NOTCH1: variants seen among roughly 807,000 people sequenced by gnomAD.
NOTCH1 encodes notch receptor 1.
Under a neutral mutation model 254.8 loss-of-function variants are expected in NOTCH1, and 37 were observed. The ratio of observed to expected loss-of-function variants is 0.15; its 90% CI spans 0.11 to 0.19. NOTCH1 has a LOEUF of 0.19. Ranked by LOEUF, NOTCH1 falls within the 10% of genes least tolerant of loss-of-function variation. The pLI, the probability that NOTCH1 is intolerant of heterozygous loss-of-function variation, is 1.00. For synonymous variants in NOTCH1, 1,731 were observed against 1,618.1 expected, an observed-to-expected ratio of 1.07 and a Z score of -1.68; for missense variants, 2,972 against 3,708.6, an observed-to-expected ratio of 0.80 and a Z score of 5.16.
At chr9:136,528,587 G>A (rs1053370213) in intron 2 of NOTCH1, among the ~76,000 whole-genome samples, 19 of 150,892 alleles carry the variant, frequency 1.3e-4, no homozygotes, top group South Asian at 8.4e-4. Flanking sequence ...GGGCCTCTCC[G>A]GTGCACAGGA....
At position 136,513,095 on chromosome 9, in the gene NOTCH1, T is replaced by C. The variant is rs753889842; in HGVS notation, c.2393A>G (p.Asn798Ser). ...CQTNINECAS[N>S]PCLNQGTCID... ...ACACGTGCCCTGGTTCAGACATGGG[T>C]TGGACGCACACTCGTTGATGTTGGT... The change falls in exon 15 of 34, where the codon AAC becomes AGC. Residue 798 changes from asparagine (N) to serine (S), a missense_variant. Asn to Ser is a conservative substitution (Grantham distance 46). Around this residue, in one of 8 missense-constraint regions of NOTCH1, gnomAD observed 1,343 missense variants for 1,557.0 expected, o/e 0.86. Coordinates refer to ENST00000651671, the MANE Select transcript of NOTCH1 (RefSeq NM_017617.5). The surrounding 1 kb of genome is among the most constrained non-coding windows in gnomAD (Gnocchi z 4.7). 2 of 1,601,478 alleles carry C rather than the reference T, an allele frequency of 1.2e-6. No homozygotes were observed. Among genetic ancestry groups the C allele is most frequent in the African/African-American group, 2.7e-5 (2 of 73,392 alleles).
At chr9:136,534,595 G>A (rs1439891353) in intron 2 of NOTCH1, among the ~76,000 whole-genome samples, 3 of 152,122 alleles carry the variant, frequency 2.0e-5, no homozygotes, top group African/African-American at 7.2e-5. Context: ...AAGTGAGGCC[G>A]GGTGAGTGTT....
intron 12 of NOTCH1, among the ~76,000 whole-genome samples, chr9:136,514,930 C>T (rs1040784659): frequency 2.0e-5 from 3 of 152,100 alleles, no homozygotes; most frequent in African/African-American, 7.2e-5. Flanking sequence ...CTACTGCAGC[C>T]CTGACTGATG....
rs766649001 is a variant in NOTCH1, at chr9:136,497,569, AG to A, written c.6181-12del. ...CAGGGGTGTCTCCTCCTGGGGGATG[AG>A]GGCGGGGGCCGGTGAGGGGGGCCAG... On this transcript the variant is annotated splice_polypyrimidine_tract_variant and intron_variant, in intron 33 of 33. Coordinates refer to ENST00000651671, the MANE Select transcript of NOTCH1 (RefSeq NM_017617.5). 1 of 1,436,388 alleles carries A rather than the reference AG, an allele frequency of 7.0e-7. No individual in the cohort carries two copies. The highest frequency in any genetic ancestry group is 1.4e-5 in the African/African-American group (1 of 69,372). The allele number at this position is 1,436,388 out of a possible 1,614,324, so 89.0% of individuals were successfully genotyped here. A position where few individuals can be genotyped will look rare whatever the true frequency, so the allele number is the denominator to read the frequency against.
Position 136,502,361 on chromosome 9 carries a change from G to A in NOTCH1, c.5295C>T (p.Gly1765=), listed in dbSNP as rs1184856256. 6.2e-7 allele frequency: 1 copy of A among 1,612,432 alleles called. No individual in the cohort carries two copies. Among genetic ancestry groups the A allele is most frequent in the Non-Finnish European group, 8.5e-7 (1 of 1,179,796 alleles). The change falls in exon 28 of 34, where the codon GGC becomes GGT. Residue 1765 remains glycine (G), a synonymous_variant. Transcript: ENST00000651671. ...TGAAGCCCTCAGGGAACCAGAGCTGGCCATGCTGCCGCCGGCGCTTGCGGG... is the reference window on the plus strand; with the variant it reads ...TGAAGCCCTCAGGGAACCAGAGCTGACCATGCTGCCGCCGGCGCTTGCGGG... ...LLSRKRRRQH[G]QLWFPEGFKV... is the part of the protein sequence containing the mutation.
rs2133322807 is a variant in NOTCH1, at chr9:136,499,170, C to T, written c.6024G>A (p.Glu2008=). The T allele has an allele frequency of 1.2e-6, 2 of 1,613,380 alleles. No individual in the cohort carries two copies. The highest frequency in any genetic ancestry group is 1.7e-6 in the Non-Finnish European group (2 of 1,180,012). The change falls in exon 32 of 34, where the codon GAG becomes GAA. Residue 2008 remains glutamate (E), a synonymous_variant. Coordinates refer to ENST00000651671, the MANE Select transcript of NOTCH1 (RefSeq NM_017617.5). ...AGTTGATGAGGTCCTCCAGCATGCCCTCCACGGCCAGGCGGGCAGCCAGGA... is the reference window on the plus strand; with the variant it reads ...AGTTGATGAGGTCCTCCAGCATGCCTTCCACGGCCAGGCGGGCAGCCAGGA... ...PLILAARLAV[E]GMLEDLINSH... is the part of the protein sequence containing the mutation.
rs773137647 is a variant in NOTCH1, at chr9:136,499,207, G to A, written c.5987C>T (p.Thr1996Met). The change falls in exon 32 of 34, where the codon ACG becomes ATG. Residue 1996 changes from threonine (T) to methionine (M), a missense_variant. By Grantham distance (81) the Thr-to-Met change is moderately conservative. Coordinates refer to ENST00000651671, the MANE Select transcript of NOTCH1 (RefSeq NM_017617.5). ...GCGGGCAGCCAGGATCAGTGGCGTC[G>A]TGCCATCATGCATGCGGGCATCCAG... ...TDLDARMHDGTTPLILAARLA... is the reference protein window; with the variant it reads ...TDLDARMHDGMTPLILAARLA... The A allele has an allele frequency of 5.0e-6, 8 of 1,613,324 alleles. No homozygotes were observed. Among genetic ancestry groups the A allele is most frequent in the South Asian group, 1.1e-5 (1 of 91,080 alleles).
chr9:136,503,138 C>G (rs776895850), intron 27 of NOTCH1, 44 bp downstream of exon 27: 4 of 1,600,122 alleles, frequency 2.5e-6, no homozygotes, highest in Middle Eastern at 1.6e-4. Context: ...GGGGATGGCA[C>G]CCCCTGCAGG....
At position 136,509,040 on chromosome 9, in the gene NOTCH1, C is replaced by T. The variant is rs763621169; in HGVS notation, c.3001G>A (p.Gly1001Ser). 43 of 1,561,466 alleles carry T rather than the reference C, an allele frequency of 2.8e-5. No homozygotes were observed. The highest frequency in any genetic ancestry group is 4.1e-4 in the Middle Eastern group (2 of 4,938). The change falls in exon 19 of 34, where the codon GGC becomes AGC. Residue 1001 changes from glycine (G) to serine (S), a missense_variant. Physicochemically the swap from Gly to Ser is moderately conservative, Grantham distance 56 (BLOSUM62 0). Around this residue, in one of 8 missense-constraint regions of NOTCH1, gnomAD observed 1,343 missense variants for 1,557.0 expected, o/e 0.86. Coordinates refer to ENST00000651671, the MANE Select transcript of NOTCH1 (RefSeq NM_017617.5). ...CACAGGCAGGTGAACGAGTTGATGC[C>T]GTCCACGCAGGTGCCACCGTTGAAG... ...SCFNGGTCVD[G>S]INSFTCLCPP...
intron 17 of NOTCH1, 101 bp from the exon 18 acceptor site, chr9:136,510,062 G>A (rs747373848): frequency 4.2e-5 from 49 of 1,170,844 alleles, no homozygotes; most frequent in East Asian, 3.9e-4. Context: ...CCAGCCTTTC[G>A]TTGCCGAGGC....
chr9:136,522,219 T>A (rs924436573), intron 4 of NOTCH1, among the ~76,000 whole-genome samples: 2 of 152,174 alleles, frequency 1.3e-5, no homozygotes, highest in Non-Finnish European at 2.9e-5. Flanking sequence ...CCTTGTGATC[T>A]GCCCACCTCG....
At chr9:136,527,188 G>T (rs796290405) in intron 2 of NOTCH1, among the ~76,000 whole-genome samples, 1 of 152,204 alleles carries the variant, frequency 6.6e-6, no homozygotes, top group Non-Finnish European at 1.5e-5. Context: ...CTCCCACATG[G>T]CCACAGAGCT....
chr9:136,538,109 TA>T (rs1843681990), intron 2 of NOTCH1, among the ~76,000 whole-genome samples: 1 of 152,110 alleles, frequency 6.6e-6, no homozygotes, highest in African/African-American at 2.4e-5. Context: ...GCAAATTTTG[TA>T]ATATGAATAA....
In NOTCH1 at chr9:136,506,319, G is replaced by A. The variant is rs571612677; in HGVS notation, c.4014+208C>T. ...TGCGTGCAGGGGACAGCCACCCCAG[G>A]GAGTCTACTTCCTGCTCCATTTTTC... On this transcript the variant is annotated intron_variant, in intron 24 of 33. Coordinates refer to ENST00000651671, the MANE Select transcript of NOTCH1 (RefSeq NM_017617.5). The surrounding 1 kb of genome is among the most constrained non-coding windows in gnomAD (Gnocchi z 4.5). 3.9e-5 allele frequency among the ~76,000 whole-genome samples: 6 copies of A among 151,994 alleles called. No individual in the cohort carries two copies. The highest frequency in any genetic ancestry group is 1.9e-4 in the East Asian group (1 of 5,180).
Position 136,495,461 on chromosome 9 carries a change from T to C in NOTCH1, c.*610A>G, listed in dbSNP as rs2133312735. The C allele has an allele frequency of 5.0e-6, 2 of 399,558 alleles. No individual in the cohort carries two copies. The highest frequency in any genetic ancestry group is 8.8e-6 in the Non-Finnish European group (2 of 226,648). The allele number at this position is 399,558 out of a possible 1,614,324, so 24.8% of individuals were successfully genotyped here. On this transcript the variant is annotated 3_prime_UTR_variant, in exon 34 of 34. Coordinates refer to ENST00000651671, the MANE Select transcript of NOTCH1 (RefSeq NM_017617.5). ...AACACATGGCAACATCTAACCCATA[T>C]GCTTTCACTTGTTTCCTATTTCAGA...
intron 17 of NOTCH1, 146 bp from the exon 18 acceptor site, chr9:136,510,107 G>A: frequency 2.6e-6 from 2 of 767,080 alleles, no homozygotes; most frequent in Non-Finnish European, 4.4e-6. Context: ...GGTGTCTGGT[G>A]GGGAGCCCCA....
intron 2 of NOTCH1, among the ~76,000 whole-genome samples, chr9:136,535,990 T>TGG (rs1161872482): frequency 3.4e-4 from 5 of 14,864 alleles, no homozygotes; most frequent in South Asian, 2.2e-3. Flanking sequence ...GCATGGTGGG[T>TGG]GGGGGGGAGC....
At chr9:136,526,486 C>G (rs891130356) in intron 2 of NOTCH1, among the ~76,000 whole-genome samples, 1 of 152,192 alleles carries the variant, frequency 6.6e-6, no homozygotes, top group Non-Finnish European at 1.5e-5. Context: ...CTCCAAGGAG[C>G]GGGAAAAGCT....
rs114832250 is a variant in NOTCH1 at position 136,544,100 on chromosome 9, G to A, written c.64C>T (p.Pro22Ser). The change falls in exon 2 of 34, where the codon CCG (proline) becomes TCG (serine). Residue 22 changes from proline (P) to serine (S), a missense_variant and splice_region_variant. Physicochemically the swap from Pro to Ser is moderately conservative, Grantham distance 74. Transcript: ENST00000651671. ...ALLPALAARG[P>S]RCSQPGETCL... ...GTCTCACCGGGCTGGGAGCATCGCG[G>A]GCCTAGGCAGGGGCAGGAGAAGAGA... is the stretch of plus-strand genomic sequence containing the variant. 1.2e-3 allele frequency: 1,886 copies of A among 1,571,134 alleles called. 7 individuals carry two copies. In the African/African-American group the frequency reaches 0.017, roughly 14 times the overall value.
Sources: gnomAD v4.1 joint callset for allele counts (sites outside exome capture counted in the v4.1 genomes callset) on GRCh38, gnomAD v4.1.1 for gene constraint, gnomAD v4.1.1 regional missense constraint, Gnocchi (gnomAD v3.1) non-coding constraint, MANE v1.5 for transcripts, NCBI Gene and HGNC (gene_info 2026-07-23, HGNC 2026-07-21) for gene names.